The following ATRNL1 variants were observed in gnomAD, a reference collection of about 807,000 sequenced individuals.
ATRNL1 encodes the protein attractin-like protein 1.
Under a neutral mutation model 182.7 loss-of-function variants are expected in ATRNL1, and 95 were observed. The observed-to-expected ratio is 0.52, with a 90% CI of 0.44 to 0.62. The LOEUF (loss-of-function observed/expected upper bound fraction) is 0.62, where lower values mean the gene tolerates loss of function less well. Ranked by LOEUF, ATRNL1 falls within the 20% of genes least tolerant of loss-of-function variation. ATRNL1 has a pLI of 0.00. For synonymous variants in ATRNL1, 576 were observed against 568.3 expected (o/e 1.01, Z -0.19); for missense variants, 1,471 against 1,679.5 (o/e 0.88, Z 2.17).
At chr10:115,136,598 A>G (rs1476949079) in intron 5 of ATRNL1, among the ~76,000 whole-genome samples, 2 of 152,188 alleles carry the variant, frequency 1.3e-5, no homozygotes, top group Admixed American at 6.5e-5. Flanking sequence ...CTGCCTATTC[A>G]TTCTTTCCTC....
At chr10:115,396,939 G>A (rs148896105) in intron 20 of ATRNL1, among the ~76,000 whole-genome samples, 141 of 151,832 alleles carry the variant, frequency 9.3e-4, no homozygotes, top group Middle Eastern at 3.4e-3. Flanking sequence ...CATTTTCCCC[G>A]TTCTCATTTA....
intron 26 of ATRNL1, among the ~76,000 whole-genome samples, chr10:115,636,272 A>G (rs1319019615): frequency 2.0e-5 from 3 of 151,500 alleles, no homozygotes; most frequent in Non-Finnish European, 4.4e-5. Flanking sequence ...CCTCACTTAG[A>G]GACGTAGAGG....
At chr10:115,839,404 A>G (rs1555096470) in intron 27 of ATRNL1, among the ~76,000 whole-genome samples, 1 of 152,100 alleles carries the variant, frequency 6.6e-6, no homozygotes, top group Admixed American at 6.6e-5. Flanking sequence ...TGAAGGGCTA[A>G]CGGGGGACCT....
intron 3 of ATRNL1, among the ~76,000 whole-genome samples, chr10:115,123,168 G>A (rs1475693857): frequency 3.3e-5 from 5 of 152,174 alleles, no homozygotes; most frequent in East Asian, 1.9e-4. Flanking sequence ...TTTCTCATTA[G>A]CAAGTGTTCT....
chr10:115,834,454 A>G (rs782589076), intron 27 of ATRNL1, among the ~76,000 whole-genome samples: 10 of 152,054 alleles, frequency 6.6e-5, no homozygotes, highest in African/African-American at 2.2e-4. Flanking sequence ...TTCTGACCCA[A>G]TCGCCTACTT....
intron 26 of ATRNL1, among the ~76,000 whole-genome samples, chr10:115,713,558 G>A (rs1593109065): frequency 1.3e-5 from 2 of 151,908 alleles, no homozygotes; most frequent in Admixed American, 1.3e-4. Flanking sequence ...AGGAACTAGT[G>A]TTGGCTACTT....
intron 5 of ATRNL1, among the ~76,000 whole-genome samples, chr10:115,132,382 A>G (rs1247950343): frequency 6.6e-6 from 1 of 152,098 alleles, no homozygotes; most frequent in East Asian, 1.9e-4. Flanking sequence ...ATAGTGCCGC[A>G]ATAAACATAT....
intron 20 of ATRNL1, among the ~76,000 whole-genome samples, chr10:115,419,847 C>T (rs190476117): frequency 4.6e-5 from 7 of 152,158 alleles, no homozygotes; most frequent in Admixed American, 1.3e-4. Context: ...CCACTTTCAG[C>T]AATGTGCAGA....
intron 24 of ATRNL1, among the ~76,000 whole-genome samples, chr10:115,498,441 T>C (rs1360402311): frequency 2.0e-5 from 3 of 152,090 alleles, no homozygotes; most frequent in Non-Finnish European, 4.4e-5. Flanking sequence ...TTGATTATAA[T>C]GAGTCTTAAG....
chr10:115,382,550 T>G (rs1474664207), intron 19 of ATRNL1, among the ~76,000 whole-genome samples: 1 of 152,082 alleles, frequency 6.6e-6, no homozygotes, highest in Non-Finnish European at 1.5e-5. Context: ...TACACATTGA[T>G]TTGGTATCCT....
At chr10:115,777,618 G>A (rs1555078284) in intron 27 of ATRNL1, among the ~76,000 whole-genome samples, 1 of 152,020 alleles carries the variant, frequency 6.6e-6, no homozygotes, top group African/African-American at 2.4e-5. Context: ...CAAGAAAGAA[G>A]AAATCCAGCA....
chr10:115,485,914 C>T (rs1848999297), intron 24 of ATRNL1, among the ~76,000 whole-genome samples: 1 of 141,898 alleles, frequency 7.0e-6, no homozygotes, highest in South Asian at 2.5e-4. Context: ...CCCCAATAGG[C>T]CCTGGTTTGT....
At chr10:115,863,476 A>G (rs1343023945) in intron 28 of ATRNL1, among the ~76,000 whole-genome samples, 1 of 152,228 alleles carries the variant, frequency 6.6e-6, no homozygotes, top group South Asian at 2.1e-4. Context: ...AGGATTGAAC[A>G]AAGTAAATAT....
At chr10:115,892,112 ACT>A (rs1231984539) in intron 28 of ATRNL1, among the ~76,000 whole-genome samples, 1 of 152,048 alleles carries the variant, frequency 6.6e-6, no homozygotes, top group African/African-American at 2.4e-5. Flanking sequence ...TTGTTATATT[ACT>A]CTGTTTACTC....
At chr10:115,447,693 A>AGG (rs1554966916) in intron 21 of ATRNL1, among the ~76,000 whole-genome samples, 2 of 151,896 alleles carry the variant, frequency 1.3e-5, no homozygotes, top group African/African-American at 4.8e-5. Flanking sequence ...TGCACATCTA[A>AGG]GTTGTACTTA....
chr10:115,604,843 C>T (rs1856794311), intron 26 of ATRNL1, among the ~76,000 whole-genome samples: 1 of 152,032 alleles, frequency 6.6e-6, no homozygotes, highest in Non-Finnish European at 1.5e-5. Flanking sequence ...AATCTGATCT[C>T]TGTTACTCAA....
At chr10:115,297,652 A>T (rs1163609871) in intron 15 of ATRNL1, among the ~76,000 whole-genome samples, 1 of 61,948 alleles carries the variant, frequency 1.6e-5, no homozygotes, top group East Asian at 2.0e-3. Flanking sequence ...CTCCGTCTTA[A>T]AAAAAAAAAA....
intron 8 of ATRNL1, among the ~76,000 whole-genome samples, chr10:115,180,467 C>A (rs1055318822): frequency 6.6e-6 from 1 of 151,676 alleles, no homozygotes. Flanking sequence ...AATTTATTTA[C>A]CTATTTCCCT....
intron 18 of ATRNL1, among the ~76,000 whole-genome samples, chr10:115,333,651 A>AT (rs143401254): frequency 6.6e-6 from 1 of 151,578 alleles, no homozygotes; most frequent in South Asian, 2.1e-4. Context: ...TGCCCAGCTA[A>AT]TTTTTTTGTA....
Sources: allele counts gnomAD v4.1 joint callset (sites outside exome capture counted in the v4.1 genomes callset), GRCh38; gene constraint gnomAD v4.1.1; transcripts MANE v1.5; gene names NCBI Gene and HGNC (gene_info 2026-07-23, HGNC 2026-07-21).